The following VPS13B variants were observed in gnomAD, a reference collection of about 807,000 sequenced individuals.
VPS13B encodes the protein vacuolar protein sorting 13 homolog B.
In VPS13B, 285 loss-of-function variants were observed where a neutral mutation model predicts 426.4. The observed-to-expected ratio is 0.67, with a 90% CI of 0.61 to 0.74. The LOEUF (loss-of-function observed/expected upper bound fraction) is 0.74, where lower values mean the gene tolerates loss of function less well. Among genes scored for constraint, VPS13B ranks in the 30% least tolerant of loss-of-function variants. VPS13B has a pLI of 0.00. For missense variants in VPS13B, 4,537 were observed against 4,782.6 expected (o/e 0.95, Z 1.51); for synonymous variants, 1,676 against 1,676.4 (o/e 1.00, Z 0.01).
chr8:99,055,044 G>GTTTTTT (rs397779213), intron 3 of VPS13B, among the ~76,000 whole-genome samples: 1 of 141,882 alleles, frequency 7.0e-6, no homozygotes, highest in Non-Finnish European at 1.5e-5. Flanking sequence ...TTTTTTTTTT[G>GTTTTTT]TTTTTTTTTT....
At chr8:99,655,875 T>G (rs1830002789) in intron 34 of VPS13B, among the ~76,000 whole-genome samples, 1 of 152,158 alleles carries the variant, frequency 6.6e-6, no homozygotes, top group Admixed American at 6.5e-5. Context: ...TTGCTAAGGG[T>G]TAAAAGAAAT....
At chr8:99,556,962 A>G (rs1489200659) in intron 31 of VPS13B, among the ~76,000 whole-genome samples, 1 of 144,876 alleles carries the variant, frequency 6.9e-6, no homozygotes, top group Non-Finnish European at 1.5e-5. Flanking sequence ...AATCTATTGT[A>G]TTTGGGGTCA....
chr8:99,735,722 G>T (rs1833796171), intron 39 of VPS13B, among the ~76,000 whole-genome samples: 1 of 152,168 alleles, frequency 6.6e-6, no homozygotes, highest in African/African-American at 2.4e-5. Context: ...ATCAACAAAG[G>T]AGTGGTCAAA....
intron 31 of VPS13B, among the ~76,000 whole-genome samples, chr8:99,572,460 C>A (rs189696557): frequency 2.0e-4 from 30 of 150,864 alleles, no homozygotes; most frequent in Non-Finnish European, 3.8e-4. Context: ...TCCCTCCCCC[C>A]ACCCCACAAC....
chr8:99,454,673 A>C (rs1818358822), intron 23 of VPS13B, among the ~76,000 whole-genome samples: 1 of 152,146 alleles, frequency 6.6e-6, no homozygotes, highest in Non-Finnish European at 1.5e-5. Context: ...TGACTGCCAG[A>C]TCGTATGGTA....
intron 30 of VPS13B, among the ~76,000 whole-genome samples, chr8:99,532,801 A>G (rs1588468822): frequency 6.6e-6 from 1 of 150,686 alleles, no homozygotes; most frequent in East Asian, 2.0e-4. Flanking sequence ...CTCAATTTTA[A>G]TAGCATAAAT....
At chr8:99,598,721 T>C (rs981069021) in intron 33 of VPS13B, among the ~76,000 whole-genome samples, 4 of 151,914 alleles carry the variant, frequency 2.6e-5, no homozygotes, top group African/African-American at 4.8e-5. Context: ...GAGCATTCCT[T>C]CCTTTGCCTT....
intron 4 of VPS13B, among the ~76,000 whole-genome samples, chr8:99,098,340 C>T (rs1846536638): frequency 2.0e-5 from 3 of 151,970 alleles, no homozygotes; most frequent in Non-Finnish European, 4.4e-5. Context: ...TCTTTTCTTC[C>T]TTTACACACA....
At chr8:99,513,238 A>C (rs1821887491) in intron 29 of VPS13B, among the ~76,000 whole-genome samples, 1 of 151,990 alleles carries the variant, frequency 6.6e-6, no homozygotes, top group Non-Finnish European at 1.5e-5. Context: ...TATTTCATTT[A>C]AAATATGTTA....
chr8:99,435,904 G>A (rs1432956912), intron 22 of VPS13B, among the ~76,000 whole-genome samples: 1 of 152,080 alleles, frequency 6.6e-6, no homozygotes, highest in South Asian at 2.1e-4. Context: ...TTTACATCTG[G>A]AGTTTAAAAA....
intron 17 of VPS13B, among the ~76,000 whole-genome samples, chr8:99,218,674 A>G (rs1815517248): frequency 6.6e-6 from 1 of 152,214 alleles, no homozygotes; most frequent in Non-Finnish European, 1.5e-5. Flanking sequence ...AATATGTAAT[A>G]GCTTAATTGT....
At chr8:99,297,375 C>T (rs1281279576) in intron 19 of VPS13B, among the ~76,000 whole-genome samples, 1 of 150,942 alleles carries the variant, frequency 6.6e-6, no homozygotes, top group African/African-American at 2.5e-5. Flanking sequence ...TCCTTGTAAT[C>T]ACATTTGTAA....
At chr8:99,087,175 C>T (rs1845864429) in intron 3 of VPS13B, among the ~76,000 whole-genome samples, 1 of 152,180 alleles carries the variant, frequency 6.6e-6, no homozygotes, top group Admixed American at 6.5e-5. Flanking sequence ...CCTCCCCCAG[C>T]CTCGCTGCCC....
At chr8:99,336,960 C>T (rs1180256624) in intron 19 of VPS13B, among the ~76,000 whole-genome samples, 2 of 151,944 alleles carry the variant, frequency 1.3e-5, no homozygotes, top group Non-Finnish European at 2.9e-5. Context: ...TGTGGCGATT[C>T]CTCAGGGATC....
chr8:99,495,067 G>C (rs1449982515), intron 25 of VPS13B, among the ~76,000 whole-genome samples: 6 of 151,816 alleles, frequency 4.0e-5, no homozygotes, highest in Non-Finnish European at 8.8e-5. Flanking sequence ...GTGCCATACT[G>C]GATGTGAAAT....
intron 17 of VPS13B, among the ~76,000 whole-genome samples, chr8:99,259,344 A>T (rs952239683): frequency 6.6e-5 from 10 of 152,114 alleles, no homozygotes; most frequent in Admixed American, 5.2e-4. Flanking sequence ...AAAAAAATTT[A>T]AAAAACAAAG....
chr8:99,685,326 T>C (rs952165743), intron 35 of VPS13B, among the ~76,000 whole-genome samples: 6 of 152,260 alleles, frequency 3.9e-5, no homozygotes, highest in African/African-American at 1.4e-4. Context: ...ATTCTATGGT[T>C]AGAAGTCTAG....
rs865965849 is a variant in VPS13B, at chr8:99,868,428, C to T, written c.11355C>T (p.Ile3785=). 22 of 1,613,666 alleles carry T rather than the reference C, an allele frequency of 1.4e-5. No individual in the cohort carries two copies. The Middle Eastern group carries it at 2.1e-3, about 157-fold the overall frequency. ...TCATGGGGGTGTTCACAAAGCCCAT[C>T]GGAGGAGCTGCTGAGCTGGTGTCAC... ...KGIMGVFTKP[I]GGAAELVSQT... is the part of the protein sequence containing the mutation. Residue 3785 remains isoleucine, a synonymous_variant, in exon 59 of 62, where the codon ATC becomes ATT. Coordinates refer to ENST00000357162, the MANE Select transcript of VPS13B (RefSeq NM_152564.5).
chr8:99,478,443 TTTTG>T (rs1819821196), intron 24 of VPS13B, among the ~76,000 whole-genome samples: 3 of 67,850 alleles, frequency 4.4e-5, no homozygotes, highest in African/African-American at 5.7e-5. Context: ...TGTTTTTTTG[TTTTG>T]TTTTTTTTTT....
Sources: allele counts gnomAD v4.1 joint callset (sites outside exome capture counted in the v4.1 genomes callset), GRCh38; gene constraint gnomAD v4.1.1; transcripts MANE v1.5; gene names NCBI Gene and HGNC (gene_info 2026-07-23, HGNC 2026-07-21).